The following KIAA1549L variants were observed in gnomAD, a reference collection of about 807,000 sequenced individuals.
KIAA1549L encodes UPF0606 protein KIAA1549L.
A neutral mutation model predicts 160.7 loss-of-function variants in KIAA1549L; 88 were observed. The observed-to-expected ratio is 0.55, with a 90% confidence interval of 0.46 to 0.65. The LOEUF (loss-of-function observed/expected upper bound fraction) is 0.65. Ranked by LOEUF, KIAA1549L falls within the 30% of genes least tolerant of loss-of-function variation. KIAA1549L has a pLI of 0.00. For synonymous variants in KIAA1549L, 950 were observed against 976.7 expected (o/e 0.97, Z 0.51); for missense variants, 2,258 against 2,437.5 (o/e 0.93, Z 1.55).
Position 33,543,968 on chromosome 11 carries a change from G to A in KIAA1549L, c.2405G>A (p.Trp802Ter). The change falls in exon 2 of 21, where the codon TGG (tryptophan) becomes TAG (stop). Residue 802 changes from tryptophan (W) to a stop codon, truncating the protein, a stop_gained. Coordinates refer to ENST00000658780, the MANE Select transcript of KIAA1549L (RefSeq NM_012194.3). LOFTEE classifies it high-confidence loss of function. ...MTMVGSHIDL[W>*]PTSNNNHSRD... is the part of the protein sequence containing the mutation. ...ATGGTTGGAAGCCATATAGACCTCT[G>A]GCCCACAAGCAATAACAACCATTCC... 1 of 1,613,954 alleles carries A rather than the reference G, an allele frequency of 6.2e-7. No individual in the cohort carries two copies. Among genetic ancestry groups the A allele is most frequent in the Non-Finnish European group, 8.5e-7 (1 of 1,179,892 alleles).
At position 33,486,540 on chromosome 11, in the gene KIAA1549L, A is replaced by G. The variant is rs74608229; in HGVS notation, c.239-55262A>G. ...ATGCATATACTTTATGTGTGAAATG[A>G]TACTTTTATAATTAATTTAATTAAG... is the stretch of plus-strand genomic sequence containing the variant. On this transcript the variant is annotated intron_variant, in intron 1 of 20. Transcript: ENST00000658780. 4.9e-3 allele frequency among the ~76,000 whole-genome samples: 740 copies of G among 152,346 alleles called. 2 individuals are homozygous for G. The highest frequency in any genetic ancestry group is 0.016 in the African/African-American group (685 of 41,580).
rs985753362 is a variant in KIAA1549L, at chr11:33,407,331, G to A, written c.238+30442G>A. Among the ~76,000 whole-genome samples, 3 of 150,438 alleles carry A rather than the reference G, an allele frequency of 2.0e-5. No individual in the cohort carries two copies. The Admixed American group carries it at 2.0e-4, about 10-fold the overall frequency. ...TATCTCCTGACCTCGTGATCCGCCC[G>A]CCTCGGCAGTCCTTTTTCTTTTTCT... On this transcript the variant is annotated intron_variant, in intron 1 of 20. Transcript: ENST00000658780.
chr11:33,557,651 C>T (rs1854693224), intron 6 of KIAA1549L, among the ~76,000 whole-genome samples: 2 of 152,012 alleles, frequency 1.3e-5, no homozygotes, highest in Non-Finnish European at 2.9e-5. Flanking sequence ...CTTTGGGAGG[C>T]TGGGGTGGGT....
At chr11:33,590,421 G>A (rs1409816657) in intron 11 of KIAA1549L, among the ~76,000 whole-genome samples, 1 of 152,198 alleles carries the variant, frequency 6.6e-6, no homozygotes. Flanking sequence ...AAGCAAAATA[G>A]AGACACTTTC....
intron 1 of KIAA1549L, among the ~76,000 whole-genome samples, chr11:33,494,162 A>G (rs189369596): frequency 1.7e-4 from 26 of 152,346 alleles, no homozygotes; most frequent in African/African-American, 5.8e-4. Context: ...AGATTACTGA[A>G]GTTTATCACT....
At chr11:33,489,838 C>T (rs1215394904) in intron 1 of KIAA1549L, among the ~76,000 whole-genome samples, 2 of 152,170 alleles carry the variant, frequency 1.3e-5, no homozygotes, top group African/African-American at 4.8e-5. Flanking sequence ...TGGTGAACAA[C>T]TGCCAGAGTC....
chr11:33,598,210 G>A (rs887865858), intron 12 of KIAA1549L, among the ~76,000 whole-genome samples: 2 of 143,944 alleles, frequency 1.4e-5, no homozygotes, highest in Non-Finnish European at 3.1e-5. Context: ...GTGTGTGTGT[G>A]TGTGTGTGTG....
chr11:33,487,777 G>T (rs530318538), intron 1 of KIAA1549L, among the ~76,000 whole-genome samples: 14 of 152,268 alleles, frequency 9.2e-5, no homozygotes, highest in African/African-American at 2.6e-4. Flanking sequence ...CCCTATAAAT[G>T]GGTAGGGTCC....
At position 33,408,461 on chromosome 11, in the gene KIAA1549L, G is replaced by GAT. The variant is rs141299631; in HGVS notation, c.238+31582_238+31583dup. The stretch of plus-strand genomic sequence containing the variant: ...TATATGGCGCTCTCCATAAGTTAGA[G>GAT]ATATATATATACATACTCTGTATAT... On this transcript the variant is annotated intron_variant, in intron 1 of 20. Transcript: ENST00000658780. Among the ~76,000 whole-genome samples the GAT allele has an allele frequency of 2.2e-3, 318 of 146,032 alleles. 2 individuals are homozygous for GAT. Among genetic ancestry groups the GAT allele is most frequent in the African/African-American group, 7.5e-3 (288 of 38,646 alleles).
chr11:33,640,531 C>G (rs1851555789), intron 16 of KIAA1549L, among the ~76,000 whole-genome samples: 1 of 152,244 alleles, frequency 6.6e-6, no homozygotes, highest in Non-Finnish European at 1.5e-5. Context: ...GAAGGAGAAA[C>G]TGACCTGGGT....
chr11:33,524,020 G>A (rs1486107416), intron 1 of KIAA1549L, among the ~76,000 whole-genome samples: 1 of 152,000 alleles, frequency 6.6e-6, no homozygotes, highest in Non-Finnish European at 1.5e-5. Context: ...GGACATTTCT[G>A]TGTATTTTAA....
At chr11:33,381,496 AT>A (rs993233707) in intron 1 of KIAA1549L, among the ~76,000 whole-genome samples, 1 of 152,212 alleles carries the variant, frequency 6.6e-6, no homozygotes, top group Non-Finnish European at 1.5e-5. Context: ...GTAGAATTGA[AT>A]GAGCAAAGGG....
intron 16 of KIAA1549L, among the ~76,000 whole-genome samples, chr11:33,636,793 C>A (rs1179794587): frequency 1.3e-5 from 2 of 152,158 alleles, no homozygotes; most frequent in Admixed American, 6.5e-5. Context: ...ATTCATTACT[C>A]TCCACGATTT....
intron 13 of KIAA1549L, 145 bp from the exon 14 acceptor site, chr11:33,606,496 G>A (rs1850504605): frequency 1.4e-6 from 1 of 715,944 alleles, no homozygotes; most frequent in Admixed American, 3.0e-5. Context: ...GCAGTAGCGA[G>A]TCCTTGGCAC....
chr11:33,565,735 T>A (rs1281981507), intron 8 of KIAA1549L, among the ~76,000 whole-genome samples: 1 of 151,738 alleles, frequency 6.6e-6, no homozygotes, highest in Non-Finnish European at 1.5e-5. Flanking sequence ...AAATTTTTAT[T>A]GGCTGGGTGT....
chr11:33,615,691 T>C (rs1850790841), intron 15 of KIAA1549L, among the ~76,000 whole-genome samples: 1 of 152,160 alleles, frequency 6.6e-6, no homozygotes, highest in African/African-American at 2.4e-5. Context: ...CACTTTTACC[T>C]ACATTTACAG....
At chr11:33,392,243 G>A (rs946373127) in intron 1 of KIAA1549L, among the ~76,000 whole-genome samples, 1 of 152,160 alleles carries the variant, frequency 6.6e-6, no homozygotes, top group African/African-American at 2.4e-5. Context: ...CAAACACACG[G>A]AAAAGTAGAA....
intron 1 of KIAA1549L, among the ~76,000 whole-genome samples, chr11:33,494,593 C>A (rs186476832): frequency 6.6e-6 from 1 of 152,304 alleles, no homozygotes; most frequent in African/African-American, 2.4e-5. Context: ...CTTTCTGGAC[C>A]TTTAAAGAGT....
At chr11:33,508,913 G>T (rs934853720) in intron 1 of KIAA1549L, among the ~76,000 whole-genome samples, 2 of 152,150 alleles carry the variant, frequency 1.3e-5, no homozygotes, top group Non-Finnish European at 2.9e-5. Context: ...AAAATGAGAC[G>T]GCTGGGGCAT....
Sources: allele counts gnomAD v4.1 joint callset (sites outside exome capture counted in the v4.1 genomes callset), GRCh38; gene constraint gnomAD v4.1.1; transcripts MANE v1.5; gene names NCBI Gene and HGNC (gene_info 2026-07-23, HGNC 2026-07-21).